The following FNBP4 variants were observed in gnomAD, a reference collection of about 807,000 sequenced individuals.
The protein encoded by FNBP4 is formin-binding protein 4.
Under a neutral mutation model 119.3 loss-of-function variants are expected in FNBP4, and 34 were observed. The observed-to-expected ratio is 0.28, with a 90% CI of 0.22 to 0.38. FNBP4 has a LOEUF of 0.38. FNBP4 is among the 10% of genes least tolerant of loss of function. The probability of loss-of-function intolerance (pLI) is 1.00; values close to 1 mark genes in which losing one functional copy is unlikely to be tolerated. For missense variants in FNBP4, 1,112 were observed against 1,228.9 expected, an observed-to-expected ratio of 0.90 and a Z score of 1.42; for synonymous variants, 462 against 430.6, an observed-to-expected ratio of 1.07 and a Z score of -0.90.
chr11:47,759,210 C>T (rs1198023169), intron 2 of FNBP4, among the ~76,000 whole-genome samples: 1 of 38,172 alleles, frequency 2.6e-5, no homozygotes, highest in Non-Finnish European at 5.5e-5. Flanking sequence ...GTGAGACCTG[C>T]GCCTGGCTTT....
chr11:47,746,065 T>C lies in FNBP4; in HGVS notation c.1236A>G (p.Glu412=). The C allele has an allele frequency of 6.3e-7, 1 of 1,596,592 alleles. No individual in the cohort carries two copies. Among genetic ancestry groups the C allele is most frequent in the Non-Finnish European group, 8.5e-7 (1 of 1,175,018 alleles). The change falls in exon 7 of 17, where the codon GAA becomes GAG. Residue 412 remains glutamate, a synonymous_variant. Coordinates refer to ENST00000263773, the MANE Select transcript of FNBP4 (RefSeq NM_015308.5). The part of the protein sequence containing the change: ...QDTLELELVL[E]RKKAELRALE... ...ACTTTCAAAAGCTTACTTTTTTCCT[T>C]TCCAAAACTAGCTCCAGTTCAAGGG... is the stretch of plus-strand genomic sequence containing the variant.
intron 12 of FNBP4, chr11:47,726,493 AACAG>A (rs1242879690): frequency 3.3e-5 from 5 of 150,286 alleles, no homozygotes; most frequent in Admixed American, 2.7e-4. Context: ...CTTTTTATGG[AACAG>A]ACAGACAATA....
At position 47,717,237 on chromosome 11, in the gene FNBP4, C is replaced by A. The variant is rs866741808; in HGVS notation, c.*185G>T. On this transcript the variant is annotated 3_prime_UTR_variant, in exon 17 of 17. Coordinates refer to ENST00000263773, the MANE Select transcript of FNBP4 (RefSeq NM_015308.5). ...TCAAAGCAATTCCAATCACCTCATC[C>A]CTTTGCAAAAACAGAAAAATTACAT... The A allele has an allele frequency of 2.3e-5, 13 of 559,810 alleles. No homozygotes were observed. The highest frequency in any genetic ancestry group is 9.5e-4 in the Middle Eastern group (2 of 2,106). The allele number at this position is 559,810 out of a possible 1,614,324, so 34.7% of individuals were successfully genotyped here.
chr11:47,724,808 A>G (rs1489544206), intron 12 of FNBP4, 30 bp from the exon 13 acceptor site: 6 of 1,520,448 alleles, frequency 3.9e-6, no homozygotes, highest in Middle Eastern at 1.8e-4. Flanking sequence ...TCAGGGAAAA[A>G]GCAAGAAAAA....
chr11:47,746,469 C>T (rs2097590494), intron 6 of FNBP4, 75 bp from the exon 7 acceptor site: 9 of 1,241,314 alleles, frequency 7.3e-6, no homozygotes, highest in Non-Finnish European at 1.0e-5. Context: ...CAATTGCACA[C>T]ACATTCATAT....
intron 6 of FNBP4, among the ~76,000 whole-genome samples, 191 bp downstream of exon 6, chr11:47,750,708 AAAAAAAAAAGAAAAAAG>A (rs2097601068): frequency 7.4e-6 from 1 of 134,742 alleles, no homozygotes; most frequent in African/African-American, 3.2e-5. Context: ...AAAAAAAAAA[AAAAAAAAAAGAAAAAAG>A]AAAAAAGAAA....
intron 4 of FNBP4, among the ~76,000 whole-genome samples, chr11:47,752,403 C>T (rs1453179270): frequency 2.3e-5 from 3 of 128,542 alleles, no homozygotes; most frequent in Non-Finnish European, 4.8e-5. Context: ...CCAGCCTGGG[C>T]AACAAGGGTG....
chr11:47,721,972 A>G (rs1455844807), intron 15 of FNBP4, among the ~76,000 whole-genome samples: 1 of 133,534 alleles, frequency 7.5e-6, no homozygotes, highest in East Asian at 2.3e-4. Flanking sequence ...GCAAACTGCC[A>G]TATTAGCTGG....
intron 3 of FNBP4, among the ~76,000 whole-genome samples, 162 bp downstream of exon 3, chr11:47,754,366 A>G (rs1258853960): frequency 6.6e-6 from 1 of 152,128 alleles, no homozygotes; most frequent in Non-Finnish European, 1.5e-5. Flanking sequence ...AAACAAAACA[A>G]AACAAAAAGA....
At chr11:47,742,847 A>T (rs2097584173) in intron 8 of FNBP4, among the ~76,000 whole-genome samples, 1 of 152,088 alleles carries the variant, frequency 6.6e-6, no homozygotes, top group South Asian at 2.1e-4. Context: ...CCAAGACTGC[A>T]CCATTGCACT....
Position 47,731,397 on chromosome 11 carries a change from G to T in FNBP4, c.1985C>A (p.Thr662Lys). The T allele has an allele frequency of 6.2e-7, 1 of 1,612,912 alleles. No homozygotes were observed. The highest frequency in any genetic ancestry group is 1.1e-5 in the South Asian group (1 of 90,826). Residue 662 changes from threonine (T) to lysine (K), a missense_variant, in exon 12 of 17, where the codon ACA (threonine) becomes AAA (lysine). By Grantham distance (78) the Thr-to-Lys change is moderately conservative. Transcript: ENST00000263773. ...KDKTGTDSNS[T>K]ESSETSTGSL... The stretch of plus-strand genomic sequence containing the variant: ...ACCTGTGGAAGTTTCAGAGGATTCT[G>T]TTGAATTTGAATCAGTGCCAGTTTT...
chr11:47,751,061 A>G, intron 5 of FNBP4, 25 bp from the exon 6 acceptor site: 4 of 1,612,468 alleles, frequency 2.5e-6, no homozygotes, highest in Non-Finnish European at 3.4e-6. Flanking sequence ...ACTTAGCAAG[A>G]GAAATATAAG....
At chr11:47,764,302 G>A (rs1599273694) in intron 2 of FNBP4, among the ~76,000 whole-genome samples, 1 of 152,002 alleles carries the variant, frequency 6.6e-6, no homozygotes, top group African/African-American at 2.4e-5. Flanking sequence ...GGCTGGTCTC[G>A]AACTCCTGAA....
Position 47,760,961 on chromosome 11 carries a change from A to T in FNBP4, c.313+4309T>A, listed in dbSNP as rs188898876. Among the ~76,000 whole-genome samples, 87 of 152,312 alleles carry T rather than the reference A, an allele frequency of 5.7e-4. 1 individual carries two copies. The highest frequency in any genetic ancestry group is 4.4e-3 in the Admixed American group (68 of 15,284). ...ATCTTTGAGACTATAATACCAAGAC[A>T]TAACTCCAAAAAAACTTTGCTCAAA... is the stretch of plus-strand genomic sequence containing the variant. On this transcript the variant is annotated intron_variant, in intron 2 of 16. Coordinates refer to ENST00000263773, the MANE Select transcript of FNBP4 (RefSeq NM_015308.5).
chr11:47,731,209 G>A (rs1565128861), intron 12 of FNBP4, 165 bp downstream of exon 12: 1 of 604,000 alleles, frequency 1.7e-6, no homozygotes, highest in Non-Finnish European at 2.7e-6. Context: ...ATAGTATGCT[G>A]ATTTCCAACC....
chr11:47,765,738 A>T (rs980110189), intron 1 of FNBP4, among the ~76,000 whole-genome samples: 1 of 151,828 alleles, frequency 6.6e-6, no homozygotes, highest in Non-Finnish European at 1.5e-5. Flanking sequence ...GCTTGAACCC[A>T]GGAGGCAGAG....
intron 7 of FNBP4, among the ~76,000 whole-genome samples, 188 bp downstream of exon 7, chr11:47,745,868 A>G (rs971112369): frequency 6.6e-6 from 1 of 152,152 alleles, no homozygotes; most frequent in Non-Finnish European, 1.5e-5. Context: ...ATAACTACCA[A>G]AAGTATCATC....
intron 8 of FNBP4, among the ~76,000 whole-genome samples, chr11:47,742,390 A>C: frequency 7.2e-6 from 1 of 139,538 alleles, no homozygotes; most frequent in East Asian, 2.3e-4. Flanking sequence ...GAGGCAGAGA[A>C]TTGCTTGACC....
chr11:47,739,693 G>A (rs1222552858), intron 8 of FNBP4, among the ~76,000 whole-genome samples: 1 of 152,318 alleles, frequency 6.6e-6, no homozygotes, highest in Middle Eastern at 3.4e-3. Flanking sequence ...GGGGGAGCGA[G>A]GCAGGAGCAT....
Sources: gnomAD v4.1 joint callset for allele counts (sites outside exome capture counted in the v4.1 genomes callset) on GRCh38, gnomAD v4.1.1 for gene constraint, MANE v1.5 for transcripts, NCBI Gene and HGNC (gene_info 2026-07-23, HGNC 2026-07-21) for gene names.